Variants in ENG observed in about 807,000 individuals in gnomAD.
ENG encodes endoglin.
A neutral mutation model predicts 71.0 loss-of-function variants in ENG; 17 were observed. The observed-to-expected ratio is 0.24, with a 90% CI of 0.16 to 0.36. The LOEUF (loss-of-function observed/expected upper bound fraction) is 0.36, where lower values mean the gene tolerates loss of function less well. ENG is among the 10% of genes least tolerant of loss of function. The pLI, the probability that ENG is intolerant of heterozygous loss-of-function variation, is 1.00. For synonymous variants in ENG, 360 were observed against 366.9 expected (o/e 0.98, Z 0.21); for missense variants, 749 against 868.3 (o/e 0.86, Z 1.73).
intron 1 of ENG, among the ~76,000 whole-genome samples, chr9:127,851,519 C>T (rs1464698649): frequency 2.0e-5 from 3 of 152,032 alleles, no homozygotes; most frequent in Non-Finnish European, 2.9e-5. Flanking sequence ...CCACTGCACC[C>T]GGCCTGCTTG....
intron 12 of ENG, chr9:127,817,662 T>G: frequency 2.9e-6 from 1 of 347,208 alleles, no homozygotes; most frequent in East Asian, 7.2e-5. Context: ...CCAGGATAGA[T>G]TGCCTGAGAG....
rs1830374353 is a variant in ENG at position 127,818,115 on chromosome 9, C to T, written c.1686+5G>A. The T allele has an allele frequency of 6.2e-7, 1 of 1,614,116 alleles. No homozygotes were observed. Among genetic ancestry groups the T allele is most frequent in the Non-Finnish European group, 8.5e-7 (1 of 1,180,038 alleles). ...GAAGCTGGGGCCGGCCCAGGCCCCA[C>T]TCACCTGGTCTTGAGACCCGGTCTT... On this transcript the variant is annotated splice_donor_5th_base_variant and intron_variant, in intron 12 of 14. Coordinates refer to ENST00000373203, the MANE Select transcript of ENG (RefSeq NM_001114753.3).
chr9:127,850,551 T>G (rs1256918494), intron 1 of ENG, among the ~76,000 whole-genome samples: 1 of 152,238 alleles, frequency 6.6e-6, no homozygotes, highest in Non-Finnish European at 1.5e-5. Flanking sequence ...ACACGGCTCC[T>G]GCTCCAGGCT....
chr9:127,844,955 G>A (rs1043665442), intron 1 of ENG, among the ~76,000 whole-genome samples: 1 of 152,142 alleles, frequency 6.6e-6, no homozygotes, highest in African/African-American at 2.4e-5. Context: ...AGAGCAGACC[G>A]CAGAGCCCGG....
intron 1 of ENG, among the ~76,000 whole-genome samples, chr9:127,849,593 G>A (rs1051764435): frequency 2.0e-5 from 3 of 152,194 alleles, no homozygotes; most frequent in South Asian, 2.1e-4. Flanking sequence ...TAAGGATGAA[G>A]GCAGGAGGAA....
chr9:127,839,772 T>C (rs575322422), intron 2 of ENG, among the ~76,000 whole-genome samples: 19 of 152,240 alleles, frequency 1.2e-4, no homozygotes, highest in African/African-American at 4.6e-4. Flanking sequence ...GCCAGGCTAG[T>C]CTCGAACTCC....
At chr9:127,841,665 T>G (rs1831035015) in intron 2 of ENG, among the ~76,000 whole-genome samples, 1 of 152,176 alleles carries the variant, frequency 6.6e-6, no homozygotes, top group Admixed American at 6.5e-5. Context: ...GCAAGGCAAC[T>G]TAACAGTTTT....
intron 4 of ENG, 86 bp from the exon 5 acceptor site, chr9:127,825,946 G>A: frequency 6.6e-7 from 1 of 1,519,498 alleles, no homozygotes; most frequent in Non-Finnish European, 8.9e-7. Context: ...CAAAGATAGT[G>A]GTGGGGCAGG....
At position 127,825,873 on chromosome 9, in the gene ENG, G is replaced by A. The variant is rs756926952; in HGVS notation, c.524-13C>T. On this transcript the variant is annotated splice_polypyrimidine_tract_variant and intron_variant, in intron 4 of 14. Coordinates refer to ENST00000373203, the MANE Select transcript of ENG (RefSeq NM_001114753.3). ...AGTGACCCCTGGGCTGCAGAGACAC[G>A]CGCACCTCAGTCCCTTCCCTCAGCA... 22 of 1,578,192 alleles carry A rather than the reference G, an allele frequency of 1.4e-5. No individual in the cohort carries two copies. The highest frequency in any genetic ancestry group is 5.8e-5 in the South Asian group (5 of 86,324).
At chr9:127,840,886 G>A (rs1186167421) in intron 2 of ENG, among the ~76,000 whole-genome samples, 2 of 152,222 alleles carry the variant, frequency 1.3e-5, no homozygotes, top group Non-Finnish European at 2.9e-5. Flanking sequence ...AAGGATCCTT[G>A]GAATATGGCA....
intron 1 of ENG, among the ~76,000 whole-genome samples, chr9:127,852,256 G>A (rs1829044385): frequency 6.6e-6 from 1 of 152,226 alleles, no homozygotes; most frequent in Non-Finnish European, 1.5e-5. Context: ...GCTGACTACT[G>A]AAGGCTGATT....
intron 12 of ENG, chr9:127,817,418 T>G: frequency 1.6e-6 from 1 of 624,720 alleles, no homozygotes; most frequent in Admixed American, 2.3e-5. Flanking sequence ...ATGTTTCCTG[T>G]GAGTTCCTGG....
chr9:127,854,588 G>A lies in ENG; in HGVS notation c.-233C>T, dbSNP rs747984759. 1 of 567,366 alleles carries A rather than the reference G, an allele frequency of 1.8e-6. No homozygotes were observed. The highest frequency in any genetic ancestry group is 3.1e-6 in the Non-Finnish European group (1 of 320,802). 35.1% of individuals were successfully genotyped at this position (567,366 alleles called of 1,614,324 possible). ...TGTCCGAAGGATGGGCGGGGAGGGGGTGCTGGGCTCCAATGGATGGCAGTG... is the reference window on the plus strand; with the variant it reads ...TGTCCGAAGGATGGGCGGGGAGGGGATGCTGGGCTCCAATGGATGGCAGTG... On this transcript the variant is annotated 5_prime_UTR_variant, in exon 1 of 15. Transcript: ENST00000373203.
intron 1 of ENG, among the ~76,000 whole-genome samples, chr9:127,844,687 C>T (rs1831129877): frequency 6.6e-6 from 1 of 152,190 alleles, no homozygotes; most frequent in African/African-American, 2.4e-5. Context: ...CCTCGGCCTC[C>T]CAAAGTGTTG....
chr9:127,846,517 G>A lies in ENG; in HGVS notation c.68-3272C>T, dbSNP rs551622323. Among the ~76,000 whole-genome samples the A allele has an allele frequency of 4.6e-5, 7 of 152,206 alleles. No homozygotes were observed. The highest frequency in any genetic ancestry group is 8.8e-5 in the Non-Finnish European group (6 of 68,018). ...CAGTTCCTCCCGGATTGCTGGGGCC[G>A]CCTGGGGCCGCCTCCTCCATGCCGT... On this transcript the variant is annotated intron_variant, in intron 1 of 14. Coordinates refer to ENST00000373203, the MANE Select transcript of ENG (RefSeq NM_001114753.3). This position sits in a 1 kb window ranked among gnomAD's most constrained non-coding sequence, Gnocchi z 5.5.
chr9:127,834,782 T>C lies in ENG; in HGVS notation c.220-4955A>G, dbSNP rs555180620. Among the ~76,000 whole-genome samples, 262 of 145,038 alleles carry C rather than the reference T, an allele frequency of 1.8e-3. 1 individual carries two copies. Among genetic ancestry groups the C allele is most frequent in the South Asian group, 4.0e-3 (18 of 4,472 alleles). On this transcript the variant is annotated intron_variant, in intron 2 of 14. Coordinates refer to ENST00000373203, the MANE Select transcript of ENG (RefSeq NM_001114753.3). ...TTAATCTCTTGACCTGTGATCTGCC[T>C]GCCTCAGCCTCCCAAAGTGCTGGGA...
intron 8 of ENG, 131 bp downstream of exon 8, chr9:127,824,173 G>GT: frequency 1.5e-6 from 2 of 1,301,902 alleles, no homozygotes; most frequent in Non-Finnish European, 2.2e-6. Context: ...CATTATACAA[G>GT]TGGGAAAACT....
At position 127,829,052 on chromosome 9, in the gene ENG, G is replaced by A. The variant is rs917480413; in HGVS notation, c.360+635C>T. On this transcript the variant is annotated intron_variant, in intron 3 of 14. Transcript: ENST00000373203. ...CCAGCTCCCTGACCTCCTCTCTCTGGTGGATATAGCTAACACTTTTAAAAG... is the reference window on the plus strand; with the variant it reads ...CCAGCTCCCTGACCTCCTCTCTCTGATGGATATAGCTAACACTTTTAAAAG... Among the ~76,000 whole-genome samples, 12 of 152,084 alleles carry A rather than the reference G, an allele frequency of 7.9e-5. No individual in the cohort carries two copies. In the East Asian group the frequency reaches 2.3e-3, roughly 29 times the overall value.
At chr9:127,827,029 AG>A (rs775221659) in intron 3 of ENG, 5 of 312,832 alleles carry the variant, frequency 1.6e-5, no homozygotes, top group Non-Finnish European at 3.1e-5. Context: ...GAGGGTCTAC[AG>A]GGGGCAACGT....
Sources: gnomAD v4.1 joint callset for allele counts (sites outside exome capture counted in the v4.1 genomes callset) on GRCh38, gnomAD v4.1.1 for gene constraint, Gnocchi (gnomAD v3.1) non-coding constraint, MANE v1.5 for transcripts, NCBI Gene and HGNC (gene_info 2026-07-23, HGNC 2026-07-21) for gene names.